The following METTL21C variants were observed in gnomAD, a reference collection of about 807,000 sequenced individuals.
METTL21C encodes methyltransferase 21C, AARS1 lysine.
METTL21C carries 21 observed loss-of-function variants against 25.9 expected under a neutral mutation model. That is an observed-to-expected ratio of 0.81 (90% CI 0.58 to 1.17). The LOEUF (loss-of-function observed/expected upper bound fraction) is 1.17, where lower values mean the gene tolerates loss of function less well. Ranked by LOEUF, METTL21C falls within the 50% of genes most tolerant of loss-of-function variation. The probability of loss-of-function intolerance (pLI) is 0.00; values close to 1 mark genes in which losing one functional copy is unlikely to be tolerated. For synonymous variants in METTL21C, 125 were observed against 124.7 expected (o/e 1.00, Z -0.01); for missense variants, 312 against 315.1 (o/e 0.99, Z 0.07).
the METTL21C span, among the ~76,000 whole-genome samples, chr13:102,702,313 T>A: frequency 6.6e-6 from 1 of 151,954 alleles, no homozygotes; most frequent in Admixed American, 6.6e-5. Flanking sequence ...TTATACATAA[T>A]ACACACATTA....
chr13:102,690,276 C>A (rs1325354440), intron 2 of METTL21C, among the ~76,000 whole-genome samples: 2 of 152,032 alleles, frequency 1.3e-5, no homozygotes, highest in Non-Finnish European at 2.9e-5. Context: ...CAAAAATTAG[C>A]CAGGCATGGT....
chr13:102,687,935 G>A (rs1885718210), intron 2 of METTL21C, among the ~76,000 whole-genome samples: 1 of 152,090 alleles, frequency 6.6e-6, no homozygotes, highest in African/African-American at 2.4e-5. Flanking sequence ...TGCATTGATT[G>A]CTGAGGTGTT....
At position 102,686,050 on chromosome 13, in the gene METTL21C, C is replaced by G. The variant is rs61740624; in HGVS notation, c.776G>C (p.Gly259Ala). The G allele has an allele frequency of 6.3e-7, 1 of 1,584,140 alleles. No individual in the cohort carries two copies. Among genetic ancestry groups the G allele is most frequent in the Admixed American group, 1.7e-5 (1 of 57,330 alleles). ...YPESSVKLFK[G>A]ILKWD ...TTGGATTTAGTCCCATTTTAGTATCCCCTTAAAAAGTTTGACTGATGACTC... is the reference window on the plus strand; with the variant it reads ...TTGGATTTAGTCCCATTTTAGTATCGCCTTAAAAAGTTTGACTGATGACTC... Residue 259 changes from glycine to alanine, a missense_variant, in exon 4 of 4, where the codon GGG becomes GCG. Transcript: ENST00000267273.
chr13:102,702,694 G>T, the METTL21C span, among the ~76,000 whole-genome samples: 1 of 152,028 alleles, frequency 6.6e-6, no homozygotes, highest in African/African-American at 2.4e-5. Context: ...GGGTTCAAGT[G>T]ATTCTCCTGC....
chr13:102,691,516 AT>A (rs1347841111), intron 1 of METTL21C, among the ~76,000 whole-genome samples: 2 of 151,166 alleles, frequency 1.3e-5, no homozygotes, highest in Admixed American at 1.3e-4. Flanking sequence ...CGCCCAGCTA[AT>A]TTTTGTATTT....
intron 2 of METTL21C, 31 bp from the exon 3 acceptor site, chr13:102,687,088 C>T (rs374052450): frequency 2.4e-5 from 37 of 1,522,350 alleles, no homozygotes; most frequent in Non-Finnish European, 3.2e-5. Flanking sequence ...TTCATGTGGG[C>T]ATTGGAACAT....
intron 1 of METTL21C, among the ~76,000 whole-genome samples, chr13:102,692,818 T>A (rs1885865473): frequency 2.0e-5 from 3 of 152,094 alleles, no homozygotes; most frequent in Admixed American, 1.3e-4. Context: ...CCTGCCCTGG[T>A]AGGAGGCTGT....
chr13:102,693,032 A>T (rs538932377), intron 1 of METTL21C, among the ~76,000 whole-genome samples: 27 of 152,266 alleles, frequency 1.8e-4, no homozygotes, highest in African/African-American at 4.8e-4. Flanking sequence ...GCGGTGATTG[A>T]CAGCGTTTGA....
chr13:102,696,738 T>A (rs1002229723), upstream of METTL21C, among the ~76,000 whole-genome samples: 6 of 152,100 alleles, frequency 3.9e-5, no homozygotes, highest in Non-Finnish European at 7.4e-5. Flanking sequence ...TGGCAATTCT[T>A]GTTTGCAGGT....
At chr13:102,687,564 G>T (rs898209904) in intron 2 of METTL21C, among the ~76,000 whole-genome samples, 1 of 152,184 alleles carries the variant, frequency 6.6e-6, no homozygotes, top group Non-Finnish European at 1.5e-5. Context: ...ATTGAGCGAC[G>T]GGTTAGTGAC....
intron 1 of METTL21C, among the ~76,000 whole-genome samples, chr13:102,692,041 G>A (rs944587788): frequency 1.3e-5 from 2 of 152,118 alleles, no homozygotes; most frequent in Non-Finnish European, 2.9e-5. Flanking sequence ...TTAACAGTGC[G>A]GAGAGTAGGG....
chr13:102,698,057 A>C (rs1316669532), upstream of METTL21C, among the ~76,000 whole-genome samples: 2 of 152,218 alleles, frequency 1.3e-5, no homozygotes, highest in Non-Finnish European at 2.9e-5. Flanking sequence ...CAGCTTCATA[A>C]GATGCCGTTG....
Position 102,695,042 on chromosome 13 carries a change from G to A in METTL21C, c.-544C>T, listed in dbSNP as rs1478390388. Reference sequence around the variant, plus strand: ...CAGTTGCTGCGATGTGGTTCGAAACGTTAGACTTCCAGTTCACTTTTCAAA... The same window carrying A: ...CAGTTGCTGCGATGTGGTTCGAAACATTAGACTTCCAGTTCACTTTTCAAA... On this transcript the variant is annotated 5_prime_UTR_variant, in exon 1 of 4. It adds an upstream start codon to the 5' untranslated region. Coordinates refer to ENST00000267273, the MANE Select transcript of METTL21C (RefSeq NM_001010977.3). 6.6e-6 allele frequency among the ~76,000 whole-genome samples: 1 copy of A among 152,216 alleles called. No individual in the cohort carries two copies. Among genetic ancestry groups the A allele is most frequent in the East Asian group, 1.9e-4 (1 of 5,182 alleles).
chr13:102,698,887 G>T (rs1393217162), upstream of METTL21C, among the ~76,000 whole-genome samples: 3 of 152,176 alleles, frequency 2.0e-5, no homozygotes, highest in Non-Finnish European at 4.4e-5. Flanking sequence ...GGCTGCTCTG[G>T]TTCCAGAGAT....
chr13:102,689,095 A>AATTATT (rs1555308795), intron 2 of METTL21C, among the ~76,000 whole-genome samples: 89 of 151,648 alleles, frequency 5.9e-4, no homozygotes, highest in Middle Eastern at 3.4e-3. Context: ...TTTTTTTTAA[A>AATTATT]ATTATTATTT....
chr13:102,693,357 G>A (rs1389111051), intron 1 of METTL21C, among the ~76,000 whole-genome samples: 2 of 152,100 alleles, frequency 1.3e-5, no homozygotes, highest in Non-Finnish European at 2.9e-5. Context: ...AAATTCAGGT[G>A]CCAGTACAAG....
chr13:102,696,603 A>G (rs1427773185), upstream of METTL21C, among the ~76,000 whole-genome samples: 2 of 152,202 alleles, frequency 1.3e-5, no homozygotes. Flanking sequence ...TAAGATATAC[A>G]TCAGAGCTCT....
intron 2 of METTL21C, 97 bp downstream of exon 2, chr13:102,690,716 G>C (rs1257269674): frequency 9.9e-6 from 14 of 1,407,824 alleles, no homozygotes; most frequent in Non-Finnish European, 1.4e-5. Flanking sequence ...TGAGAAGCAG[G>C]ATATGAAGGA....
the METTL21C span, among the ~76,000 whole-genome samples, chr13:102,700,061 C>G: frequency 2.6e-4 from 40 of 152,168 alleles, no homozygotes; most frequent in Non-Finnish European, 5.1e-4. Context: ...GTCAGACTTG[C>G]GAACATGGAA....
Sources: gnomAD v4.1 joint callset for allele counts (sites outside exome capture counted in the v4.1 genomes callset) on GRCh38, gnomAD v4.1.1 for gene constraint, MANE v1.5 for transcripts, NCBI Gene and HGNC (gene_info 2026-07-23, HGNC 2026-07-21) for gene names.